DPYSL5: variants seen among roughly 807,000 people sequenced by gnomAD.
DPYSL5 encodes the protein dihydropyrimidinase-related protein 5.
In DPYSL5, 9 loss-of-function variants were observed where a neutral mutation model predicts 58.4. The ratio of observed to expected loss-of-function variants is 0.15; its 90% CI spans 0.09 to 0.27. DPYSL5 has a LOEUF of 0.27. Ranked by LOEUF, DPYSL5 falls within the 10% of genes least tolerant of loss-of-function variation. The pLI, the probability that DPYSL5 is intolerant of heterozygous loss-of-function variation, is 1.00. For synonymous variants in DPYSL5, 293 were observed against 301.9 expected (o/e 0.97, Z 0.31); for missense variants, 499 against 770.6 (o/e 0.65, Z 4.17).
intron 1 of DPYSL5, among the ~76,000 whole-genome samples, chr2:26,864,175 G>C (rs1321068524): frequency 6.6e-6 from 1 of 152,192 alleles, no homozygotes; most frequent in Non-Finnish European, 1.5e-5. Context: ...AGGCCTGGAG[G>C]CGGAGGTTTC....
At chr2:26,928,996 A>C (rs765680506) in intron 5 of DPYSL5, among the ~76,000 whole-genome samples, 6 of 151,926 alleles carry the variant, frequency 3.9e-5, no homozygotes, top group African/African-American at 7.3e-5. Context: ...ACTTTGGACC[A>C]GGGGTCACCA....
chr2:26,854,837 G>A (rs1209337121), intron 1 of DPYSL5, among the ~76,000 whole-genome samples: 1 of 150,730 alleles, frequency 6.6e-6, no homozygotes, highest in Non-Finnish European at 1.5e-5. Context: ...CTTTCTTTTT[G>A]AGATGGAGTC....
In DPYSL5 at chr2:26,942,217, C is replaced by A. The variant is rs1238716349; in HGVS notation, c.1232+125C>A. ...AGCACAAAATATGGCCCTGGCCTACCGTTGGCCATCTTCTCCCTCCATCTT... is the reference window on the plus strand; with the variant it reads ...AGCACAAAATATGGCCCTGGCCTACAGTTGGCCATCTTCTCCCTCCATCTT... On this transcript the variant is annotated intron_variant, in intron 10 of 12. Transcript: ENST00000288699. The surrounding 1 kb of genome is among the most constrained non-coding windows in gnomAD (Gnocchi z 5.9). 7.2e-7 allele frequency: 1 copy of A among 1,386,296 alleles called. No individual in the cohort carries two copies. Among genetic ancestry groups the A allele is most frequent in the Non-Finnish European group, 9.8e-7 (1 of 1,020,214 alleles). 85.9% of individuals were successfully genotyped at this position (1,386,296 alleles called of 1,614,324 possible). A position where few individuals can be genotyped will look rare whatever the true frequency, so the allele number is the denominator to read the frequency against.
intron 11 of DPYSL5, among the ~76,000 whole-genome samples, chr2:26,943,542 C>T (rs1405502018): frequency 2.6e-5 from 4 of 152,166 alleles, no homozygotes; most frequent in Admixed American, 6.5e-5. Context: ...GGATTACAGG[C>T]GTGAGCCACT....
In DPYSL5 at chr2:26,942,528, T is replaced by C. The variant is rs1318519340; in HGVS notation, c.1233-15T>C. 1.9e-6 allele frequency: 3 copies of C among 1,611,512 alleles called. No homozygotes were observed. The highest frequency in any genetic ancestry group is 2.7e-5 in the African/African-American group (2 of 74,924). On this transcript the variant is annotated splice_polypyrimidine_tract_variant and intron_variant, in intron 10 of 12. Coordinates refer to ENST00000288699, the MANE Select transcript of DPYSL5 (RefSeq NM_020134.4). The surrounding 1 kb of genome is among the most constrained non-coding windows in gnomAD (Gnocchi z 5.9). The stretch of plus-strand genomic sequence containing the variant: ...GTCCTCAGCGCTTTCTCTCCCGCCA[T>C]TGCCTCCCCACCAGGACCATCTCAG...
chr2:26,872,763 C>A (rs907745588), intron 1 of DPYSL5, among the ~76,000 whole-genome samples: 1 of 151,042 alleles, frequency 6.6e-6, no homozygotes, highest in African/African-American at 2.4e-5. Context: ...GAGCCAAGAT[C>A]ATGCAACTGC....
At chr2:26,894,257 AG>A (rs992731913) in intron 1 of DPYSL5, among the ~76,000 whole-genome samples, 2 of 151,882 alleles carry the variant, frequency 1.3e-5, no homozygotes, top group African/African-American at 4.8e-5. Flanking sequence ...TTCACTTCTC[AG>A]GTCCCTGCAG....
Position 26,875,175 on chromosome 2 carries a change from G to T in DPYSL5, c.-4-23321G>T, listed in dbSNP as rs564645647. ...ACTTGATTAACTGCAACAGAATAAGGCAGATTGGGAAGGAACTAGGACTGG... is the reference window on the plus strand; with the variant it reads ...ACTTGATTAACTGCAACAGAATAAGTCAGATTGGGAAGGAACTAGGACTGG... On this transcript the variant is annotated intron_variant, in intron 1 of 12. Transcript: ENST00000288699. Among the ~76,000 whole-genome samples, 11 of 152,318 alleles carry T rather than the reference G, an allele frequency of 7.2e-5. No homozygotes were observed. In the South Asian group the frequency reaches 8.3e-4, roughly 11 times the overall value.
At chr2:26,904,238 A>G (rs772419761) in intron 2 of DPYSL5, among the ~76,000 whole-genome samples, 1 of 152,188 alleles carries the variant, frequency 6.6e-6, no homozygotes, top group Non-Finnish European at 1.5e-5. Flanking sequence ...TAGGACATAA[A>G]TAAATTCCTT....
intron 1 of DPYSL5, among the ~76,000 whole-genome samples, chr2:26,855,428 CA>C (rs200036516): frequency 2.8e-4 from 41 of 148,302 alleles, no homozygotes; most frequent in African/African-American, 8.9e-4. Flanking sequence ...GACTCCATCT[CA>C]AAAAAAAAAT....
intron 2 of DPYSL5, among the ~76,000 whole-genome samples, chr2:26,899,340 A>G (rs1432816951): frequency 6.6e-6 from 1 of 152,200 alleles, no homozygotes; most frequent in Non-Finnish European, 1.5e-5. Context: ...CCTGAATGCC[A>G]AGTACAAAAA....
intron 1 of DPYSL5, among the ~76,000 whole-genome samples, chr2:26,894,863 C>T (rs1464903135): frequency 6.6e-6 from 1 of 152,190 alleles, no homozygotes; most frequent in Admixed American, 6.5e-5. Flanking sequence ...TCCTTGCCCC[C>T]ACTTCACTGC....
intron 1 of DPYSL5, among the ~76,000 whole-genome samples, chr2:26,872,585 G>A (rs898862571): frequency 7.9e-5 from 12 of 152,084 alleles, no homozygotes; most frequent in Admixed American, 6.5e-4. Flanking sequence ...AGCTACTCAG[G>A]AGGCTGAGGC....
chr2:26,862,012 G>C (rs954407307), intron 1 of DPYSL5, among the ~76,000 whole-genome samples: 4 of 152,222 alleles, frequency 2.6e-5, no homozygotes, highest in African/African-American at 9.6e-5. Context: ...CTCTAGCTGA[G>C]AGCCTGCAAC....
rs1558349274 is a variant in DPYSL5, at chr2:26,928,738, C to T, written c.669+415C>T. On this transcript the variant is annotated intron_variant, in intron 5 of 12. Transcript: ENST00000288699. ...ACACATACATATATATACGCACACA[C>T]ACGCACACACATACGTGTGTGCGTG... 3.4e-5 allele frequency among the ~76,000 whole-genome samples: 3 copies of T among 88,310 alleles called. 1 individual carries two copies. Among genetic ancestry groups the T allele is most frequent in the African/African-American group, 1.2e-4 (3 of 24,356 alleles). The allele number at this position is 88,310 out of a possible 152,430, so 57.9% of individuals were successfully genotyped here. A position where few individuals can be genotyped will look rare whatever the true frequency, so the allele number is the denominator to read the frequency against.
At chr2:26,902,491 G>A (rs150882260) in intron 2 of DPYSL5, among the ~76,000 whole-genome samples, 84 of 152,182 alleles carry the variant, frequency 5.5e-4, no homozygotes, top group Middle Eastern at 6.8e-3. Context: ...TATTGATAGC[G>A]AGGACAGACA....
chr2:26,886,400 ATATTT>A (rs1216850882), intron 1 of DPYSL5, among the ~76,000 whole-genome samples: 6 of 152,182 alleles, frequency 3.9e-5, no homozygotes, highest in African/African-American at 1.2e-4. Context: ...TAGGTCATAA[ATATTT>A]TATTTCTGTC....
intron 1 of DPYSL5, among the ~76,000 whole-genome samples, chr2:26,864,225 A>G (rs1213912588): frequency 1.3e-5 from 2 of 152,248 alleles, no homozygotes; most frequent in African/African-American, 2.4e-5. Context: ...AGCCTGGGCA[A>G]TGAATCCAGA....
At position 26,927,439 on chromosome 2, in the gene DPYSL5, C is replaced by A; in HGVS notation, c.600+7C>A. ...TGGGGAGCTTGTGGCCGAGGCAAGTCTGCAGCCAAGAATATTGGATGGAGG... is the reference window on the plus strand; with the variant it reads ...TGGGGAGCTTGTGGCCGAGGCAAGTATGCAGCCAAGAATATTGGATGGAGG... On this transcript the variant is annotated splice_region_variant and intron_variant, in intron 4 of 12. Coordinates refer to ENST00000288699, the MANE Select transcript of DPYSL5 (RefSeq NM_020134.4). This position sits in a 1 kb window ranked among gnomAD's most constrained non-coding sequence, Gnocchi z 4.3. 1 of 1,613,242 alleles carries A rather than the reference C, an allele frequency of 6.2e-7. No homozygotes were observed. The highest frequency in any genetic ancestry group is 1.1e-5 in the South Asian group (1 of 90,974).
Sources: allele counts gnomAD v4.1 joint callset (sites outside exome capture counted in the v4.1 genomes callset), GRCh38; gene constraint gnomAD v4.1.1; non-coding constraint Gnocchi (gnomAD v3.1); transcripts MANE v1.5; gene names NCBI Gene and HGNC (gene_info 2026-07-23, HGNC 2026-07-21).